Variants in TBC1D5 observed in about 807,000 individuals in gnomAD.
The protein encoded by TBC1D5 is TBC1 domain family, member 5.
In TBC1D5, 75 loss-of-function variants were observed where a neutral mutation model predicts 100.3. That is an observed-to-expected ratio of 0.75 (90% CI 0.62 to 0.91). The LOEUF (loss-of-function observed/expected upper bound fraction) is 0.91. TBC1D5 is among the 40% of genes least tolerant of loss of function. The pLI is 0.00. For synonymous variants in TBC1D5, 323 were observed against 325.6 expected (o/e 0.99, Z 0.09); for missense variants, 910 against 942.4 (o/e 0.97, Z 0.45).
At chr3:17,172,447 C>A (rs779700168) in intron 19 of TBC1D5, among the ~76,000 whole-genome samples, 1 of 152,186 alleles carries the variant, frequency 6.6e-6, no homozygotes, top group African/African-American at 2.4e-5. Context: ...ACATTTCCAA[C>A]GTAATACACA....
chr3:17,176,280 A>T (rs1435918718), intron 19 of TBC1D5, among the ~76,000 whole-genome samples: 1 of 152,232 alleles, frequency 6.6e-6, no homozygotes, highest in Non-Finnish European at 1.5e-5. Flanking sequence ...AATCTGGCAC[A>T]TAGGAACTAA....
chr3:17,180,989 A>G (rs2068389891), intron 19 of TBC1D5, among the ~76,000 whole-genome samples: 1 of 152,106 alleles, frequency 6.6e-6, no homozygotes, highest in African/African-American at 2.4e-5. Flanking sequence ...GAACTTTGCG[A>G]AAATAATTAA....
intron 3 of TBC1D5, among the ~76,000 whole-genome samples, chr3:17,488,861 G>A (rs572270982): frequency 2.1e-4 from 32 of 151,332 alleles, no homozygotes; most frequent in Admixed American, 1.2e-3. Flanking sequence ...TCTGCCTTCC[G>A]TCAGATCTGA....
At chr3:17,529,961 A>T (rs2096196905) in intron 2 of TBC1D5, among the ~76,000 whole-genome samples, 1 of 152,204 alleles carries the variant, frequency 6.6e-6, no homozygotes, top group Non-Finnish European at 1.5e-5. Context: ...AGGTAAAAAC[A>T]GCCTGGGCAC....
At chr3:17,687,064 G>C (rs116193343) in intron 1 of TBC1D5, among the ~76,000 whole-genome samples, 2,878 of 152,080 alleles carry the variant, frequency 0.019, 79 homozygotes, top group African/African-American at 0.065. Context: ...TGTATCCTTG[G>C]GAGACCGGGT....
intron 13 of TBC1D5, among the ~76,000 whole-genome samples, chr3:17,365,307 G>A (rs1268424519): frequency 6.6e-6 from 1 of 152,102 alleles, no homozygotes; most frequent in Non-Finnish European, 1.5e-5. Context: ...CCCTTCCTAA[G>A]CTAGTGCATG....
chr3:17,721,447 G>A (rs1401078373), intron 1 of TBC1D5, among the ~76,000 whole-genome samples: 1 of 130,998 alleles, frequency 7.6e-6, no homozygotes, highest in Non-Finnish European at 1.6e-5. Flanking sequence ...AGAAAAGTAA[G>A]TGTGTGAGAG....
chr3:17,259,719 G>T (rs570223699), intron 15 of TBC1D5, among the ~76,000 whole-genome samples: 6 of 150,738 alleles, frequency 4.0e-5, no homozygotes, highest in Non-Finnish European at 8.8e-5. Flanking sequence ...GCACGGGGGG[G>T]GTTGCGGGGG....
intron 2 of TBC1D5, among the ~76,000 whole-genome samples, chr3:17,588,260 A>G (rs2096744862): frequency 6.6e-6 from 1 of 151,930 alleles, no homozygotes; most frequent in African/African-American, 2.4e-5. Flanking sequence ...AGGAGAAAAA[A>G]AAAAAAAAAG....
At chr3:17,297,643 C>T (rs1371408397) in intron 14 of TBC1D5, among the ~76,000 whole-genome samples, 1 of 152,000 alleles carries the variant, frequency 6.6e-6, no homozygotes, top group African/African-American at 2.4e-5. Flanking sequence ...AGTCCAGTAG[C>T]ATGATCACAA....
chr3:17,603,276 A>G (rs1360679577), intron 2 of TBC1D5, among the ~76,000 whole-genome samples: 4 of 151,392 alleles, frequency 2.6e-5, no homozygotes, highest in Non-Finnish European at 4.4e-5. Context: ...TCATGATGAG[A>G]CAGGAGTTTG....
chr3:17,725,461 A>C (rs1293314607), intron 1 of TBC1D5, among the ~76,000 whole-genome samples: 1 of 151,680 alleles, frequency 6.6e-6, no homozygotes, highest in Non-Finnish European at 1.5e-5. Context: ...GCAGGGTTTT[A>C]ATTTTGGTTC....
chr3:17,515,176 A>C (rs910868720), intron 2 of TBC1D5, among the ~76,000 whole-genome samples: 4 of 152,116 alleles, frequency 2.6e-5, no homozygotes, highest in African/African-American at 9.7e-5. Flanking sequence ...CATCAAATCA[A>C]ATCATTTTGT....
intron 19 of TBC1D5, among the ~76,000 whole-genome samples, chr3:17,173,216 G>T (rs1454026021): frequency 6.6e-6 from 1 of 152,226 alleles, no homozygotes; most frequent in Non-Finnish European, 1.5e-5. Flanking sequence ...CTTGAAGGTG[G>T]TGGAACTGGG....
chr3:17,238,250 C>G (rs1451041920), exon 17 of TBC1D5: 1 of 1,614,044 alleles, frequency 6.2e-7, no homozygotes. Context: ...GGGGCCTCTG[C>G]TGAGGTCCTG....
intron 13 of TBC1D5, among the ~76,000 whole-genome samples, chr3:17,363,787 T>TC (rs1277462110): frequency 6.6e-6 from 1 of 152,036 alleles, no homozygotes; most frequent in African/African-American, 2.4e-5. Flanking sequence ...TATGATTTGT[T>TC]GTTTCATTTT....
intron 1 of TBC1D5, among the ~76,000 whole-genome samples, chr3:17,717,175 T>C (rs1168319497): frequency 6.6e-6 from 1 of 152,034 alleles, no homozygotes. Context: ...AGGGTGTAAT[T>C]CTATTATTCT....
chr3:17,475,683 C>T (rs2095429897), intron 3 of TBC1D5, among the ~76,000 whole-genome samples: 1 of 152,144 alleles, frequency 6.6e-6, no homozygotes, highest in South Asian at 2.1e-4. Flanking sequence ...CAGTCAGAAG[C>T]TGAAGAAATT....
chr3:17,599,623 G>A (rs1010434570), intron 2 of TBC1D5, among the ~76,000 whole-genome samples: 3 of 152,090 alleles, frequency 2.0e-5, no homozygotes, highest in Non-Finnish European at 4.4e-5. Flanking sequence ...CCATTGAGCT[G>A]GTTAACACTT....
Sources: allele counts gnomAD v4.1 joint callset (sites outside exome capture counted in the v4.1 genomes callset), GRCh38; gene constraint gnomAD v4.1.1; transcripts MANE v1.5; gene names NCBI Gene and HGNC (gene_info 2026-07-23, HGNC 2026-07-21).